Variants in NRG3 observed in about 807,000 individuals in gnomAD.
NRG3 encodes the protein pro-neuregulin-3, membrane-bound isoform.
A neutral mutation model predicts 66.9 loss-of-function variants in NRG3; 31 were observed. The observed-to-expected ratio is 0.46, with a 90% confidence interval of 0.35 to 0.63. The LOEUF (loss-of-function observed/expected upper bound fraction) is 0.63, where lower values mean the gene tolerates loss of function less well. Among genes scored for constraint, NRG3 ranks in the 20% least tolerant of loss-of-function variants. The pLI, the probability that NRG3 is intolerant of heterozygous loss-of-function variation, is 0.00. For missense variants in NRG3, 910 were observed against 878.9 expected (o/e 1.04, Z -0.45); for synonymous variants, 393 against 359.4 (o/e 1.09, Z -1.06).
chr10:81,918,161 A>G (rs1845887282), intron 1 of NRG3, among the ~76,000 whole-genome samples: 1 of 152,196 alleles, frequency 6.6e-6, no homozygotes, highest in Admixed American at 6.5e-5. Context: ...TATTTTTGAA[A>G]GTGGATTTAT....
At chr10:81,920,334 A>G (rs1195761911) in intron 1 of NRG3, among the ~76,000 whole-genome samples, 3 of 152,042 alleles carry the variant, frequency 2.0e-5, no homozygotes, top group African/African-American at 7.2e-5. Context: ...TCCTCACTCT[A>G]TTTGATTGGA....
intron 1 of NRG3, among the ~76,000 whole-genome samples, chr10:82,073,297 G>C (rs749994434): frequency 6.6e-6 from 1 of 152,102 alleles, no homozygotes; most frequent in African/African-American, 2.4e-5. Flanking sequence ...TTAGAGATGC[G>C]TGAGATCGGG....
intron 2 of NRG3, among the ~76,000 whole-genome samples, chr10:82,526,118 C>T (rs1220836353): frequency 6.6e-6 from 1 of 151,824 alleles, no homozygotes; most frequent in South Asian, 2.1e-4. Context: ...TTCCCTGTTA[C>T]TTTCTGGGTG....
chr10:82,589,211 G>C (rs10509457), intron 2 of NRG3, among the ~76,000 whole-genome samples: 4,437 of 152,190 alleles, frequency 0.029, 210 homozygotes, highest in African/African-American at 0.097. Context: ...CCAAAATGTA[G>C]ATAAGAAATG....
intron 2 of NRG3, among the ~76,000 whole-genome samples, chr10:82,435,517 T>C (rs1208262791): frequency 6.6e-6 from 1 of 152,106 alleles, no homozygotes; most frequent in Non-Finnish European, 1.5e-5. Context: ...CTTGCCTCTC[T>C]AGATTTTTGA....
At chr10:82,823,036 C>T (rs1317479027) in intron 3 of NRG3, among the ~76,000 whole-genome samples, 1 of 152,170 alleles carries the variant, frequency 6.6e-6, no homozygotes, top group African/African-American at 2.4e-5. Context: ...TCCCCTTTTA[C>T]TTTTCCTTCT....
intron 1 of NRG3, among the ~76,000 whole-genome samples, chr10:82,314,035 A>C (rs1300159768): frequency 6.6e-6 from 1 of 152,226 alleles, no homozygotes; most frequent in African/African-American, 2.4e-5. Flanking sequence ...TGGGCAAGTT[A>C]CTTGACTTCT....
At chr10:82,329,783 G>A (rs7916696) in intron 1 of NRG3, among the ~76,000 whole-genome samples, 1 of 151,848 alleles carries the variant, frequency 6.6e-6, no homozygotes, top group Non-Finnish European at 1.5e-5. Flanking sequence ...TTTCTTATAT[G>A]TCATCATGTA....
intron 3 of NRG3, among the ~76,000 whole-genome samples, chr10:82,837,525 A>C (rs545542894): frequency 6.6e-4 from 100 of 152,292 alleles, no homozygotes; most frequent in Non-Finnish European, 1.1e-3. Flanking sequence ...AAAATAAAGA[A>C]GACGAAAAAA....
chr10:82,691,777 G>T (rs74145345), intron 2 of NRG3, among the ~76,000 whole-genome samples: 2,782 of 152,228 alleles, frequency 0.018, 80 homozygotes, highest in African/African-American at 0.062. Flanking sequence ...GAACTGTTAT[G>T]ATTCTCCTTA....
At chr10:81,917,144 T>G (rs1272123267) in intron 1 of NRG3, among the ~76,000 whole-genome samples, 2 of 152,236 alleles carry the variant, frequency 1.3e-5, no homozygotes, top group Non-Finnish European at 2.9e-5. Context: ...ATTGCATGTC[T>G]GATTTTAACC....
At chr10:81,901,852 C>A (rs1324109286) in intron 1 of NRG3, among the ~76,000 whole-genome samples, 1 of 152,080 alleles carries the variant, frequency 6.6e-6, no homozygotes, top group African/African-American at 2.4e-5. Context: ...TACCCCAAAT[C>A]ACATGATTTT....
chr10:82,223,797 T>A (rs12415906), intron 1 of NRG3, among the ~76,000 whole-genome samples: 17,967 of 152,080 alleles, frequency 0.12, 1,310 homozygotes, highest in Admixed American at 0.21. Context: ...CTCTTATAAA[T>A]GTAGTCAACT....
chr10:82,611,125 TA>T (rs1354871240), intron 2 of NRG3, among the ~76,000 whole-genome samples: 2 of 152,088 alleles, frequency 1.3e-5, no homozygotes, highest in Non-Finnish European at 2.9e-5. Flanking sequence ...ATGATGAACA[TA>T]CTTTAACTGT....
At chr10:82,130,241 T>C (rs2068725464) in intron 1 of NRG3, among the ~76,000 whole-genome samples, 2 of 151,974 alleles carry the variant, frequency 1.3e-5, no homozygotes, top group African/African-American at 4.8e-5. Context: ...ATTTTTATTA[T>C]ACTTTAAGTT....
chr10:82,616,444 AG>A (rs1319169105), intron 2 of NRG3, among the ~76,000 whole-genome samples: 1 of 152,144 alleles, frequency 6.6e-6, no homozygotes, highest in Admixed American at 6.5e-5. Context: ...TTTTGGCTAG[AG>A]GTAATGGTGT....
At chr10:82,052,569 A>G (rs895520280) in intron 1 of NRG3, among the ~76,000 whole-genome samples, 1 of 152,180 alleles carries the variant, frequency 6.6e-6, no homozygotes, top group African/African-American at 2.4e-5. Context: ...GCTATTCTAT[A>G]TTTGTTCCCT....
chr10:82,952,111 C>T (rs1003175317), intron 5 of NRG3, among the ~76,000 whole-genome samples: 1 of 152,140 alleles, frequency 6.6e-6, no homozygotes, highest in African/African-American at 2.4e-5. Flanking sequence ...ACTAGACCTT[C>T]TTCAGATAAA....
chr10:82,776,754 G>T (rs113009734), intron 3 of NRG3, among the ~76,000 whole-genome samples: 1 of 151,070 alleles, frequency 6.6e-6, no homozygotes. Flanking sequence ...TCTTCAACTC[G>T]CGTATTTCTG....
Sources: gnomAD v4.1 joint callset for allele counts (sites outside exome capture counted in the v4.1 genomes callset) on GRCh38, gnomAD v4.1.1 for gene constraint, MANE v1.5 for transcripts, NCBI Gene and HGNC (gene_info 2026-07-23, HGNC 2026-07-21) for gene names.